The following LEKR1 variants were observed in gnomAD, a reference collection of about 807,000 sequenced individuals.
LEKR1 encodes the protein leucine, glutamate and lysine rich 1.
A neutral mutation model predicts 72.4 loss-of-function variants in LEKR1; 59 were observed. That is an observed-to-expected ratio of 0.82 (90% CI 0.66 to 1.01). LEKR1 has a LOEUF of 1.01. Among genes scored for constraint, LEKR1 ranks in the 50% least tolerant of loss-of-function variants. The probability of loss-of-function intolerance (pLI) is 0.00; values close to 1 mark genes in which losing one functional copy is unlikely to be tolerated. For missense variants in LEKR1, 728 were observed against 759.2 expected, an observed-to-expected ratio of 0.96 and a Z score of 0.48; for synonymous variants, 257 against 263.2, an observed-to-expected ratio of 0.98 and a Z score of 0.23.
At chr3:157,011,388 C>T (rs1732873046) in intron 9 of LEKR1, 25 bp from the exon 10 acceptor site, 1 of 1,529,880 alleles carries the variant, frequency 6.5e-7, no homozygotes, top group Admixed American at 1.7e-5. Context: ...AGTATTGACT[C>T]ATTTGTCGGG....
chr3:156,849,721 C>T (rs1425023928), intron 2 of LEKR1, among the ~76,000 whole-genome samples: 1 of 151,914 alleles, frequency 6.6e-6, no homozygotes, highest in Non-Finnish European at 1.5e-5. Flanking sequence ...AAAGCTGAAA[C>T]TGGATCCCTT....
intron 3 of LEKR1, among the ~76,000 whole-genome samples, chr3:156,863,917 A>G (rs1717036929): frequency 6.6e-6 from 1 of 152,040 alleles, no homozygotes; most frequent in Admixed American, 6.6e-5. Flanking sequence ...CAGTGTTAGC[A>G]ACTCAACCAG....
At chr3:157,002,706 C>G (rs1413707105) in intron 9 of LEKR1, among the ~76,000 whole-genome samples, 1 of 152,074 alleles carries the variant, frequency 6.6e-6, no homozygotes, top group Non-Finnish European at 1.5e-5. Context: ...ATCACAGATA[C>G]AAATTTATAT....
chr3:156,982,732 C>T (rs1384740856), intron 7 of LEKR1, among the ~76,000 whole-genome samples: 1 of 151,964 alleles, frequency 6.6e-6, no homozygotes, highest in Non-Finnish European at 1.5e-5. Flanking sequence ...TAAGGGAACA[C>T]CTCCCTGAAA....
At chr3:156,871,225 C>T (rs561412714) in intron 3 of LEKR1, among the ~76,000 whole-genome samples, 18 of 151,672 alleles carry the variant, frequency 1.2e-4, no homozygotes, top group South Asian at 4.2e-4. Flanking sequence ...TTTGTTCTTG[C>T]GATAGTTTAC....
chr3:156,896,801 G>A (rs1481906933), intron 3 of LEKR1, among the ~76,000 whole-genome samples: 1 of 152,154 alleles, frequency 6.6e-6, no homozygotes, highest in East Asian at 1.9e-4. Context: ...CAAGCTAAAT[G>A]CCCATCAGCA....
At chr3:156,957,965 A>T (rs1445908678) in intron 6 of LEKR1, among the ~76,000 whole-genome samples, 2 of 152,096 alleles carry the variant, frequency 1.3e-5, no homozygotes, top group African/African-American at 4.8e-5. Flanking sequence ...TGTTGAATAG[A>T]TTCACACCAT....
chr3:156,994,424 A>C (rs1307629059), intron 9 of LEKR1, among the ~76,000 whole-genome samples: 1 of 152,112 alleles, frequency 6.6e-6, no homozygotes, highest in East Asian at 1.9e-4. Flanking sequence ...TGATTTTATA[A>C]TTACTTATAT....
chr3:157,007,059 G>A (rs548490275), intron 9 of LEKR1, among the ~76,000 whole-genome samples: 16 of 152,128 alleles, frequency 1.1e-4, no homozygotes, highest in South Asian at 2.1e-4. Context: ...AAAAATAGCC[G>A]GGCGTGGTGG....
chr3:156,862,366 CAT>C (rs965408712), intron 3 of LEKR1, among the ~76,000 whole-genome samples: 5 of 151,948 alleles, frequency 3.3e-5, no homozygotes, highest in Non-Finnish European at 5.9e-5. Flanking sequence ...TTGGCATAAA[CAT>C]AGTGGGAATT....
intron 6 of LEKR1, among the ~76,000 whole-genome samples, chr3:156,962,435 T>C (rs1056023254): frequency 6.6e-6 from 1 of 152,198 alleles, no homozygotes; most frequent in East Asian, 1.9e-4. Flanking sequence ...CAAAAGTAGA[T>C]GGACAAAAAG....
intron 3 of LEKR1, among the ~76,000 whole-genome samples, chr3:156,910,462 G>A (rs1723001859): frequency 6.6e-6 from 1 of 152,102 alleles, no homozygotes; most frequent in African/African-American, 2.4e-5. Flanking sequence ...AATCATGGAG[G>A]GATTACTAGG....
chr3:156,978,301 T>A (rs1009118135), intron 6 of LEKR1, among the ~76,000 whole-genome samples: 1 of 152,196 alleles, frequency 6.6e-6, no homozygotes, highest in African/African-American at 2.4e-5. Context: ...TATGGATGCA[T>A]AAAGATTTTA....
At chr3:156,931,056 T>C (rs1351873019) in intron 5 of LEKR1, among the ~76,000 whole-genome samples, 3 of 152,156 alleles carry the variant, frequency 2.0e-5, no homozygotes, top group Admixed American at 6.5e-5. Flanking sequence ...TGAAAATTGG[T>C]GAATTAGACT....
chr3:156,917,395 A>G (rs1723755082), intron 3 of LEKR1, among the ~76,000 whole-genome samples: 1 of 152,166 alleles, frequency 6.6e-6, no homozygotes, highest in Admixed American at 6.6e-5. Context: ...CCAAGTGCCC[A>G]GCACAGAGAA....
chr3:156,905,358 T>C lies in LEKR1; in HGVS notation c.264-15217T>C, dbSNP rs116174246. On this transcript the variant is annotated intron_variant, in intron 3 of 12. Transcript: ENST00000356539. ...TAAGACTATCCTAACAGTAAGGGTA[T>C]ATTTGAGTAACTAAATTAGAATTCA... Among the ~76,000 whole-genome samples the C allele has an allele frequency of 3.0e-3, 458 of 152,294 alleles. 3 individuals are homozygous for C. Among genetic ancestry groups the C allele is most frequent in the Non-Finnish European group, 3.7e-3 (255 of 68,000 alleles).
intron 5 of LEKR1, among the ~76,000 whole-genome samples, chr3:156,941,534 G>C (rs1726204435): frequency 6.6e-6 from 1 of 152,062 alleles, no homozygotes; most frequent in African/African-American, 2.4e-5. Flanking sequence ...TGTTTCTGCT[G>C]TGGTGGCACC....
intron 6 of LEKR1, among the ~76,000 whole-genome samples, chr3:156,958,028 A>G (rs768982610): frequency 6.6e-6 from 1 of 152,156 alleles, no homozygotes; most frequent in Non-Finnish European, 1.5e-5. Flanking sequence ...AGGCTGTTAC[A>G]TTTCTCTTGG....
chr3:156,927,675 G>T, intron 5 of LEKR1, 71 bp downstream of exon 5: 1 of 568,960 alleles, frequency 1.8e-6, no homozygotes, highest in East Asian at 1.2e-4. Flanking sequence ...ATAAAATAAT[G>T]ATATTTCATT....
Sources: allele counts gnomAD v4.1 joint callset (sites outside exome capture counted in the v4.1 genomes callset), GRCh38; gene constraint gnomAD v4.1.1; transcripts MANE v1.5; gene names NCBI Gene and HGNC (gene_info 2026-07-23, HGNC 2026-07-21).